CPAMD8: variants seen among roughly 807,000 people sequenced by gnomAD.
The protein encoded by CPAMD8 is C3 and PZP like alpha-2-macroglobulin domain containing 8.
Under a neutral mutation model 224.7 loss-of-function variants are expected in CPAMD8, and 146 were observed. The observed-to-expected ratio is 0.65, with a 90% CI of 0.57 to 0.75. CPAMD8 has a LOEUF of 0.75. CPAMD8 is among the 30% of genes least tolerant of loss of function. The probability of loss-of-function intolerance (pLI) is 0.00; values close to 1 mark genes in which losing one functional copy is unlikely to be tolerated. For missense variants in CPAMD8, 2,301 were observed against 2,537.5 expected, an observed-to-expected ratio of 0.91 and a Z score of 2.00; for synonymous variants, 966 against 1,044.6, an observed-to-expected ratio of 0.92 and a Z score of 1.45.
intron 27 of CPAMD8, among the ~76,000 whole-genome samples, chr19:16,915,880 T>TTTTC (rs754433749): frequency 6.6e-6 from 1 of 151,082 alleles, no homozygotes; most frequent in Non-Finnish European, 1.5e-5. Flanking sequence ...TCTTTCTCTC[T>TTTTC]TTTCTTTCTT....
At chr19:16,960,204 CCTTTCTCAAAAAAAAAAAAAAGG>C (rs998851765) in intron 18 of CPAMD8, among the ~76,000 whole-genome samples, 8 of 145,726 alleles carry the variant, frequency 5.5e-5, no homozygotes, top group African/African-American at 2.2e-4. Flanking sequence ...TGCTCCTTCT[CCTTTCTCAAAAAAAAAAAAAAGG>C]CTTTCTCAAA....
intron 25 of CPAMD8, 88 bp from the exon 26 acceptor site, chr19:16,925,460 G>T: frequency 1.8e-6 from 2 of 1,097,508 alleles, no homozygotes; most frequent in South Asian, 1.3e-5. Context: ...GGGAGACAGT[G>T]AGTGTCATGC....
intron 10 of CPAMD8, among the ~76,000 whole-genome samples, chr19:16,999,467 C>G (rs542135948): frequency 6.6e-6 from 1 of 151,946 alleles, no homozygotes; most frequent in Non-Finnish European, 1.5e-5. Flanking sequence ...CACCTATAGT[C>G]CCAGCTACTG....
rs1018427168 is a variant in CPAMD8, at chr19:16,930,174, G to C, written c.2846-934C>G. On this transcript the variant is annotated intron_variant, in intron 23 of 41. Coordinates refer to ENST00000443236, the MANE Select transcript of CPAMD8 (RefSeq NM_015692.5). ...GGAGGCTGAGGTGGGAGAATCACTT[G>C]AACCCAGGAGGTGGAGGTTTCAGTG... is the stretch of plus-strand genomic sequence containing the variant. 2.6e-5 allele frequency among the ~76,000 whole-genome samples: 4 copies of C among 151,844 alleles called. No homozygotes were observed. In the South Asian group the frequency reaches 8.3e-4, roughly 32 times the overall value.
At chr19:17,021,278 C>A (rs1333956790) in intron 2 of CPAMD8, among the ~76,000 whole-genome samples, 3 of 152,156 alleles carry the variant, frequency 2.0e-5, no homozygotes, top group Non-Finnish European at 4.4e-5. Context: ...CAGAAGCCAA[C>A]TGGGTTGGGT....
At chr19:16,925,758 A>AT (rs35402590) in intron 25 of CPAMD8, among the ~76,000 whole-genome samples, 5,617 of 145,426 alleles carry the variant, frequency 0.039, 257 homozygotes, top group African/African-American at 0.11. Flanking sequence ...TTTCTAAAAT[A>AT]TTTTTTTTTT....
Position 16,976,106 on chromosome 19 carries a change from C to T in CPAMD8, c.1804G>A (p.Val602Ile). Residue 602 changes from valine (V) to isoleucine (I), a missense_variant, in exon 16 of 42, where the codon GTC (valine) becomes ATC (isoleucine). Transcript: ENST00000443236. ...CTTGCAGCCCTGATCCGCAGGTCGA[C>T]AACCTCCCCAGGTTGGGTCTCATTT... ...SANETQPGEVVDLRIRAARGS... is the reference protein window; with the variant it reads ...SANETQPGEVIDLRIRAARGS... 4 of 1,613,088 alleles carry T rather than the reference C, an allele frequency of 2.5e-6. No individual in the cohort carries two copies. The highest frequency in any genetic ancestry group is 3.4e-6 in the Non-Finnish European group (4 of 1,179,376).
chr19:16,933,729 A>T (rs1427868393), intron 23 of CPAMD8, among the ~76,000 whole-genome samples: 1 of 152,194 alleles, frequency 6.6e-6, no homozygotes, highest in African/African-American at 2.4e-5. Context: ...ACTCTCACAT[A>T]CTGCAGGTGG....
chr19:16,901,408 C>T, intron 35 of CPAMD8, 111 bp from the exon 36 acceptor site: 3 of 759,162 alleles, frequency 4.0e-6, no homozygotes, highest in Non-Finnish European at 6.8e-6. Context: ...GAAGCCTGCC[C>T]TGGGGCCTGG....
At chr19:16,987,171 A>ATATAT in intron 13 of CPAMD8, among the ~76,000 whole-genome samples, 1 of 97,156 alleles carries the variant, frequency 1.0e-5, no homozygotes, top group Admixed American at 1.1e-4. Flanking sequence ...AAAAAAAAAA[A>ATATAT]AAAAAAAAAT....
chr19:16,915,192 C>T (rs2052901406), intron 27 of CPAMD8, among the ~76,000 whole-genome samples: 1 of 151,972 alleles, frequency 6.6e-6, no homozygotes, highest in Admixed American at 6.6e-5. Context: ...CCAAAAGGCC[C>T]CTGATCTCAT....
At chr19:16,916,808 T>C (rs889353331) in intron 27 of CPAMD8, among the ~76,000 whole-genome samples, 1 of 152,094 alleles carries the variant, frequency 6.6e-6, no homozygotes, top group African/African-American at 2.4e-5. Context: ...TCCAGGCCGT[T>C]CTCCCTCTCA....
intron 14 of CPAMD8, among the ~76,000 whole-genome samples, chr19:16,978,108 C>G (rs903776802): frequency 6.6e-6 from 1 of 152,170 alleles, no homozygotes; most frequent in African/African-American, 2.4e-5. Context: ...GAAAGGCTCC[C>G]AGTTCCAGAA....
rs2052868097 is a variant in CPAMD8, at chr19:16,914,631, G to A, written c.3786+26C>T. ...GCTCTGGGAGGAGGTGAGGGGCCCG[G>A]GAAGGAGGCTCAAGGGGCCACTCAC... On this transcript the variant is annotated intron_variant, in intron 28 of 41. Coordinates refer to ENST00000443236, the MANE Select transcript of CPAMD8 (RefSeq NM_015692.5). The A allele has an allele frequency of 3.7e-6, 6 of 1,613,572 alleles. No homozygotes were observed. In the African/African-American group the frequency reaches 4.0e-5, roughly 11 times the overall value.
At chr19:16,924,998 A>G (rs1568482160) in intron 26 of CPAMD8, among the ~76,000 whole-genome samples, 198 bp downstream of exon 26, 2 of 152,188 alleles carry the variant, frequency 1.3e-5, no homozygotes, top group Non-Finnish European at 2.9e-5. Context: ...GAACAGCACC[A>G]TCTCATCCTA....
chr19:16,904,712 G>T (rs1367568679), intron 30 of CPAMD8, among the ~76,000 whole-genome samples, 160 bp from the exon 31 acceptor site: 1 of 152,214 alleles, frequency 6.6e-6, no homozygotes, highest in Non-Finnish European at 1.5e-5. Flanking sequence ...GGGCCTTGGG[G>T]CTCCATCTCA....
chr19:16,907,689 C>T (rs2052579412), intron 29 of CPAMD8: 1 of 152,164 alleles, frequency 6.6e-6, no homozygotes. Context: ...CTCACTGAAA[C>T]CTTCACTTCC....
At chr19:16,909,091 T>C (rs1027970503) in intron 29 of CPAMD8, among the ~76,000 whole-genome samples, 1 of 152,060 alleles carries the variant, frequency 6.6e-6, no homozygotes, top group Non-Finnish European at 1.5e-5. Flanking sequence ...CCAGCACAGG[T>C]GTAGCGGGTT....
chr19:17,025,515 G>A (rs572890705), intron 1 of CPAMD8, among the ~76,000 whole-genome samples: 41 of 152,182 alleles, frequency 2.7e-4, no homozygotes, highest in Non-Finnish European at 4.7e-4. Flanking sequence ...ATGTGGGGCC[G>A]CGTCATTCCT....
Sources: gnomAD v4.1 joint callset for allele counts (sites outside exome capture counted in the v4.1 genomes callset) on GRCh38, gnomAD v4.1.1 for gene constraint, MANE v1.5 for transcripts, NCBI Gene and HGNC (gene_info 2026-07-23, HGNC 2026-07-21) for gene names.